Variants in CKAP2L observed in about 807,000 individuals in gnomAD.
CKAP2L encodes cytoskeleton-associated protein 2-like.
CKAP2L carries 42 observed loss-of-function variants against 65.7 expected under a neutral mutation model. That is an observed-to-expected ratio of 0.64 (90% CI 0.50 to 0.83). The LOEUF (loss-of-function observed/expected upper bound fraction) is 0.83, where lower values mean the gene tolerates loss of function less well. Ranked by LOEUF, CKAP2L falls within the 40% of genes least tolerant of loss-of-function variation. CKAP2L has a pLI of 0.00. For synonymous variants in CKAP2L, 325 were observed against 313.5 expected (o/e 1.04, Z -0.39); for missense variants, 908 against 871.0 (o/e 1.04, Z -0.53).
At chr2:112,757,285 G>T in intron 3 of CKAP2L, 71 bp from the exon 4 acceptor site, 1 of 989,468 alleles carries the variant, frequency 1.0e-6, no homozygotes, top group Non-Finnish European at 1.4e-6. Context: ...TAATAACTGT[G>T]TTTAACACAT....
chr2:112,749,120 CAG>C (rs1680293066), intron 5 of CKAP2L, among the ~76,000 whole-genome samples: 3 of 152,034 alleles, frequency 2.0e-5, no homozygotes, highest in Non-Finnish European at 4.4e-5. Context: ...TTTTTAAAAG[CAG>C]AGAGTTTCAA....
In CKAP2L at chr2:112,749,854, C is replaced by T. The variant is rs559102044; in HGVS notation, c.1602+2413G>A. On this transcript the variant is annotated intron_variant, in intron 5 of 8. Coordinates refer to ENST00000302450, the MANE Select transcript of CKAP2L (RefSeq NM_152515.5). ...TGCTCAGCTCTGCCAGCAGGGGGCA[C>T]GAGAGGGAGGCTGCAGGGATGGAGA... is the stretch of plus-strand genomic sequence containing the variant. Among the ~76,000 whole-genome samples, 8 of 152,234 alleles carry T rather than the reference C, an allele frequency of 5.3e-5. No individual in the cohort carries two copies. The South Asian group carries it at 1.7e-3, about 32-fold the overall frequency.
At position 112,757,049 on chromosome 2, in the gene CKAP2L, C is replaced by T. The variant is rs751068326; in HGVS notation, c.322G>A (p.Val108Ile). The change falls in exon 4 of 9, where the codon GTT becomes ATT. Residue 108 changes from valine to isoleucine, a missense_variant. Coordinates refer to ENST00000302450, the MANE Select transcript of CKAP2L (RefSeq NM_152515.5). ...LLGKRLTSEC[V>I]SSNPYSKPSS... ...GGCTTAGAGTATGGGTTAGAAGAAA[C>T]ACATTCTGAAGTCAGCCTTTTGCCC... 1.9e-6 allele frequency: 3 copies of T among 1,614,140 alleles called. No homozygotes were observed. Among genetic ancestry groups the T allele is most frequent in the Non-Finnish European group, 2.5e-6 (3 of 1,180,018 alleles).
intron 5 of CKAP2L, among the ~76,000 whole-genome samples, chr2:112,749,670 G>T (rs1235781584): frequency 6.6e-6 from 1 of 152,096 alleles, no homozygotes. Context: ...TATTTTTTGG[G>T]TTAAAGAACT....
intron 7 of CKAP2L, among the ~76,000 whole-genome samples, chr2:112,741,940 GTTTT>G (rs57634251): frequency 0.016 from 1,145 of 71,902 alleles, 26 homozygotes; most frequent in African/African-American, 0.061. Context: ...TTTCTTTTCT[GTTTT>G]TTTTTTTTTT....
intron 3 of CKAP2L, among the ~76,000 whole-genome samples, chr2:112,757,736 A>C (rs1267684662): frequency 1.3e-5 from 2 of 152,164 alleles, no homozygotes; most frequent in Non-Finnish European, 2.9e-5. Flanking sequence ...AGTATATTAG[A>C]ATCTTTTAGC....
chr2:112,756,401 T>C lies in CKAP2L; in HGVS notation c.970A>G (p.Thr324Ala). Reference protein sequence around the residue: ...NETKIRSYPVTEQRVKHTKPR... With the variant: ...NETKIRSYPVAEQRVKHTKPR... ...TTGGTGTGCTTCACTCTCTGTTCAG[T>C]AACAGGGTATGACCGTATCTTAGTT... Residue 324 changes from threonine (T) to alanine (A), a missense_variant, in exon 4 of 9, where the codon ACT becomes GCT. Transcript: ENST00000302450. 1.9e-6 allele frequency: 3 copies of C among 1,614,090 alleles called. No homozygotes were observed. The highest frequency in any genetic ancestry group is 2.5e-6 in the Non-Finnish European group (3 of 1,179,968).
At chr2:112,760,668 CATACTT>C (rs1680690829) in intron 3 of CKAP2L, 39 bp downstream of exon 3, 1 of 911,482 alleles carries the variant, frequency 1.1e-6, no homozygotes, top group African/African-American at 1.7e-5. Flanking sequence ...TATTACTAAT[CATACTT>C]ATGAATGCAT....
intron 5 of CKAP2L, among the ~76,000 whole-genome samples, chr2:112,747,153 C>T (rs187328091): frequency 6.6e-6 from 1 of 151,330 alleles, no homozygotes; most frequent in African/African-American, 2.4e-5. Flanking sequence ...TGCAGTGGTA[C>T]GATCACAACT....
At position 112,756,274 on chromosome 2, in the gene CKAP2L, G is replaced by C. The variant is rs151180183; in HGVS notation, c.1097C>G (p.Ser366Ter). The change falls in exon 4 of 9, where the codon TCA becomes TGA. Residue 366 changes from serine to a stop codon, truncating the protein, a stop_gained. Transcript: ENST00000302450. LOFTEE classifies it high-confidence loss of function. ...GGCTTTTGACTTTTGCAGTACACAT[G>C]ATGTCTGAGGTATACAAACTTGGCT... ...KSSQVCIPQT[S>*]CVLQKSKAIS... 6.2e-7 allele frequency: 1 copy of C among 1,614,098 alleles called. No homozygotes were observed. The highest frequency in any genetic ancestry group is 8.5e-7 in the Non-Finnish European group (1 of 1,179,994).
intron 4 of CKAP2L, among the ~76,000 whole-genome samples, chr2:112,755,677 G>A (rs1680509128): frequency 6.6e-6 from 1 of 151,652 alleles, no homozygotes; most frequent in Admixed American, 6.6e-5. Context: ...CTTATTGAAC[G>A]AGTGTCTACA....
At chr2:112,761,459 T>TCAAA (rs1680717880) in intron 2 of CKAP2L, among the ~76,000 whole-genome samples, 1 of 56,542 alleles carries the variant, frequency 1.8e-5, no homozygotes. Context: ...AGACTCCGTC[T>TCAAA]CAAAAAAAAA....
intron 4 of CKAP2L, 69 bp downstream of exon 4, chr2:112,755,908 C>G: frequency 7.0e-7 from 1 of 1,436,062 alleles, no homozygotes; most frequent in Non-Finnish European, 9.4e-7. Context: ...ATTTCCTGAC[C>G]TAGTCTTCTT....
At chr2:112,744,279 G>GT (rs1229819811) in intron 6 of CKAP2L, among the ~76,000 whole-genome samples, 6 of 152,172 alleles carry the variant, frequency 3.9e-5, no homozygotes, top group African/African-American at 1.4e-4. Context: ...TGACAATAAG[G>GT]TTTTGGAAGC....
intron 5 of CKAP2L, among the ~76,000 whole-genome samples, chr2:112,751,561 C>G (rs75555647): frequency 1.3e-5 from 2 of 152,110 alleles, no homozygotes; most frequent in Admixed American, 1.3e-4. Flanking sequence ...AACTCAAGTT[C>G]AATTCCACAA....
At chr2:112,764,480 G>A (rs1680838048) in intron 1 of CKAP2L, 82 bp downstream of exon 1, 4 of 1,480,218 alleles carry the variant, frequency 2.7e-6, no homozygotes, top group Non-Finnish European at 3.8e-6. Flanking sequence ...CACCTCCCGC[G>A]GGACGAACTC....
chr2:112,739,088 T>C, intron 8 of CKAP2L, 40 bp from the exon 9 acceptor site: 4 of 1,430,070 alleles, frequency 2.8e-6, no homozygotes, highest in Non-Finnish European at 3.9e-6. Flanking sequence ...CCTTATCATT[T>C]AAAAAAATTA....
At chr2:112,761,879 C>A (rs1680733660) in intron 2 of CKAP2L, among the ~76,000 whole-genome samples, 1 of 151,696 alleles carries the variant, frequency 6.6e-6, no homozygotes, top group Admixed American at 6.6e-5. Context: ...GAGTAAACAC[C>A]CAAGATAAAA....
At chr2:112,763,091 T>C (rs1295232197) in intron 1 of CKAP2L, among the ~76,000 whole-genome samples, 1 of 152,210 alleles carries the variant, frequency 6.6e-6, no homozygotes, top group Non-Finnish European at 1.5e-5. Flanking sequence ...CGGCCTAAAT[T>C]TACATTATTG....
Sources: allele counts gnomAD v4.1 joint callset (sites outside exome capture counted in the v4.1 genomes callset), GRCh38; gene constraint gnomAD v4.1.1; transcripts MANE v1.5; gene names NCBI Gene and HGNC (gene_info 2026-07-23, HGNC 2026-07-21).